The following ZNF385B variants were observed in gnomAD, a reference collection of about 807,000 sequenced individuals.
ZNF385B encodes the protein zinc finger protein 385B.
Under a neutral mutation model 39.2 loss-of-function variants are expected in ZNF385B, and 23 were observed. That is an observed-to-expected ratio of 0.59 (90% CI 0.42 to 0.83). The LOEUF is 0.83. ZNF385B is among the 40% of genes least tolerant of loss of function. ZNF385B has a pLI of 0.00. For synonymous variants in ZNF385B, 205 were observed against 222.6 expected, an observed-to-expected ratio of 0.92 and a Z score of 0.70; for missense variants, 552 against 598.9, an observed-to-expected ratio of 0.92 and a Z score of 0.82.
intron 3 of ZNF385B, among the ~76,000 whole-genome samples, chr2:179,650,550 C>G (rs1452739682): frequency 6.6e-6 from 1 of 152,150 alleles, no homozygotes; most frequent in African/African-American, 2.4e-5. Flanking sequence ...ATCCTTCATG[C>G]TTGAGCTTAG....
chr2:179,826,530 A>G (rs907902408), intron 1 of ZNF385B, among the ~76,000 whole-genome samples: 1 of 152,170 alleles, frequency 6.6e-6, no homozygotes, highest in African/African-American at 2.4e-5. Context: ...CCTGCAGAGA[A>G]GCGAAAATAC....
chr2:179,859,402 T>C (rs1195757944), intron 1 of ZNF385B, among the ~76,000 whole-genome samples: 1 of 152,224 alleles, frequency 6.6e-6, no homozygotes, highest in Non-Finnish European at 1.5e-5. Flanking sequence ...TAAACTTCTA[T>C]AAAGAGATCA....
intron 6 of ZNF385B, among the ~76,000 whole-genome samples, chr2:179,482,966 G>A (rs2054160250): frequency 6.6e-6 from 1 of 151,514 alleles, no homozygotes; most frequent in Non-Finnish European, 1.5e-5. Context: ...TCCATTTCCT[G>A]ATTTTAGTCT....
chr2:179,777,330 C>G (rs948867776), intron 1 of ZNF385B, among the ~76,000 whole-genome samples: 1 of 151,980 alleles, frequency 6.6e-6, no homozygotes, highest in Non-Finnish European at 1.5e-5. Context: ...TTTCTTCTTA[C>G]AAACATAAAA....
chr2:179,557,709 T>C (rs1179906335), intron 3 of ZNF385B, among the ~76,000 whole-genome samples: 1 of 151,452 alleles, frequency 6.6e-6, no homozygotes, highest in East Asian at 1.9e-4. Context: ...ATATGTCATA[T>C]ACATGTTTTT....
chr2:179,672,583 C>T (rs1280191341), intron 3 of ZNF385B, among the ~76,000 whole-genome samples: 2 of 152,020 alleles, frequency 1.3e-5, no homozygotes, highest in African/African-American at 2.4e-5. Flanking sequence ...ACCCCCAAGG[C>T]GATGGTATTA....
chr2:179,495,482 T>C (rs1018212725), intron 5 of ZNF385B, among the ~76,000 whole-genome samples: 4 of 152,150 alleles, frequency 2.6e-5, no homozygotes, highest in Non-Finnish European at 5.9e-5. Flanking sequence ...CACCGGCTTA[T>C]TGTAAAGTCC....
intron 3 of ZNF385B, among the ~76,000 whole-genome samples, chr2:179,689,819 GTGTGTGTT>G (rs879785505): frequency 0.11 from 7,875 of 72,426 alleles, 370 homozygotes; most frequent in African/African-American, 0.25. Context: ...GTGTGTGTGT[GTGTGTGTT>G]TATTTGTTTT....
At chr2:179,700,974 C>A (rs546901202) in intron 3 of ZNF385B, among the ~76,000 whole-genome samples, 259 of 152,288 alleles carry the variant, frequency 1.7e-3, no homozygotes, top group African/African-American at 5.9e-3. Flanking sequence ...GATCGTGCCA[C>A]TGCACTCCAG....
chr2:179,623,640 G>A (rs776041595), intron 3 of ZNF385B, among the ~76,000 whole-genome samples: 19 of 152,138 alleles, frequency 1.2e-4, no homozygotes, highest in Non-Finnish European at 2.4e-4. Flanking sequence ...GTGGTAGGCA[G>A]TACTCAGTGG....
intron 6 of ZNF385B, among the ~76,000 whole-genome samples, chr2:179,454,066 C>A (rs569657461): frequency 6.6e-6 from 1 of 151,934 alleles, no homozygotes; most frequent in Admixed American, 6.6e-5. Context: ...TCAACCTGAG[C>A]CAGAAAAAAG....
intron 3 of ZNF385B, among the ~76,000 whole-genome samples, chr2:179,754,710 T>G (rs1233094461): frequency 6.6e-6 from 1 of 152,232 alleles, no homozygotes; most frequent in Non-Finnish European, 1.5e-5. Context: ...TTTTCTAGTT[T>G]ATTTGCATAC....
chr2:179,657,955 A>T (rs1308636341), intron 3 of ZNF385B, among the ~76,000 whole-genome samples: 2 of 152,212 alleles, frequency 1.3e-5, no homozygotes, highest in Non-Finnish European at 2.9e-5. Context: ...CCATCTCACC[A>T]CAGTGAAATG....
At chr2:179,515,212 A>G (rs1163346772) in intron 5 of ZNF385B, among the ~76,000 whole-genome samples, 2 of 152,220 alleles carry the variant, frequency 1.3e-5, no homozygotes, top group Non-Finnish European at 2.9e-5. Context: ...GAATCTATCT[A>G]TCATCAACCT....
rs760892800 is a variant in ZNF385B, at chr2:179,446,727, T to G, written c.759A>C (p.Ser253=). ...KLKASSSSQP[S]SSESGSFLLK... ...GGAGAAATGAGCCACTTTCAGAGCT[T>G]GATGGCTGACTGGAACTGCTGGCTT... Residue 253 remains serine (S), a synonymous_variant, in exon 7 of 10, where the codon TCA becomes TCC. Transcript: ENST00000410066. 6.2e-7 allele frequency: 1 copy of G among 1,613,968 alleles called. No homozygotes were observed. The highest frequency in any genetic ancestry group is 8.5e-7 in the Non-Finnish European group (1 of 1,179,938).
chr2:179,688,591 C>T (rs937762145), intron 3 of ZNF385B, among the ~76,000 whole-genome samples: 1 of 152,166 alleles, frequency 6.6e-6, no homozygotes, highest in African/African-American at 2.4e-5. Flanking sequence ...TGCTCTGAGG[C>T]TGTGCCAAAT....
intron 3 of ZNF385B, among the ~76,000 whole-genome samples, chr2:179,670,271 C>A (rs1193377130): frequency 1.5e-5 from 2 of 135,156 alleles, no homozygotes; most frequent in African/African-American, 5.7e-5. Context: ...TCGCCTGGGC[C>A]ACAGAGCGAG....
chr2:179,770,663 T>C lies in ZNF385B; in HGVS notation c.-145A>G, dbSNP rs763721771. 1 of 152,192 alleles carries C rather than the reference T, an allele frequency of 6.6e-6. No individual in the cohort carries two copies. Among genetic ancestry groups the C allele is most frequent in the Non-Finnish European group, 1.5e-5 (1 of 68,038 alleles). 9.4% of individuals were successfully genotyped at this position (152,192 alleles called of 1,614,324 possible). A position where few individuals can be genotyped will look rare whatever the true frequency, so the allele number is the denominator to read the frequency against. On this transcript the variant is annotated 5_prime_UTR_variant, in exon 2 of 10. Transcript: ENST00000410066. The stretch of plus-strand genomic sequence containing the variant: ...AATTTAATATTTGATGGAGTTGAAA[T>C]GTAGAACATCTGAAATACAAAATAA...
At chr2:179,839,412 G>T (rs1433042988) in intron 1 of ZNF385B, among the ~76,000 whole-genome samples, 1 of 152,024 alleles carries the variant, frequency 6.6e-6, no homozygotes, top group Non-Finnish European at 1.5e-5. Context: ...GCCAGAAAAG[G>T]CATACTATCC....
Sources: allele counts gnomAD v4.1 joint callset (sites outside exome capture counted in the v4.1 genomes callset), GRCh38; gene constraint gnomAD v4.1.1; transcripts MANE v1.5; gene names NCBI Gene and HGNC (gene_info 2026-07-23, HGNC 2026-07-21).